The following MAP3K13 variants were observed in gnomAD, a reference collection of about 807,000 sequenced individuals.
The protein encoded by MAP3K13 is mitogen-activated protein kinase kinase kinase 13.
MAP3K13 carries 52 observed loss-of-function variants against 104.0 expected under a neutral mutation model. That is an observed-to-expected ratio of 0.50 (90% CI 0.40 to 0.63). The LOEUF (loss-of-function observed/expected upper bound fraction) is 0.63, where lower values mean the gene tolerates loss of function less well. MAP3K13 is among the 20% of genes least tolerant of loss of function. The pLI is 0.00. For synonymous variants in MAP3K13, 394 were observed against 442.2 expected (o/e 0.89, Z 1.37); for missense variants, 914 against 1,218.5 (o/e 0.75, Z 3.72).
At chr3:185,361,594 CG>C (rs1167968220), upstream of MAP3K13, among the ~76,000 whole-genome samples, 2 of 151,932 alleles carry the variant, frequency 1.3e-5, no homozygotes, top group Non-Finnish European at 2.9e-5. Context: ...TTAGTAGAGA[CG>C]GGGTTTCACC....
chr3:185,307,277 T>C (rs1335870858), intron 2 of MAP3K13, among the ~76,000 whole-genome samples: 2 of 152,032 alleles, frequency 1.3e-5, no homozygotes, highest in Admixed American at 1.3e-4. Context: ...CTCTCTGTCC[T>C]TTTCTCTCTC....
At position 185,487,348 on chromosome 3, in the gene MAP3K13, T is replaced by G. The variant is rs1718767785; in HGVS notation, c.*4892T>G. On this transcript the variant is annotated 3_prime_UTR_variant, in exon 14 of 14. Coordinates refer to ENST00000265026, the MANE Select transcript of MAP3K13 (RefSeq NM_004721.5). ...CACAACAATTTTTTTTTTTTTTTTG[T>G]AGAGATGGGCGTCTCCCTGTGTTGC... The G allele has an allele frequency of 6.7e-6, 1 of 149,776 alleles. No homozygotes were observed. The highest frequency in any genetic ancestry group is 2.5e-5 in the African/African-American group (1 of 40,134). 9.3% of individuals were successfully genotyped at this position (149,776 alleles called of 1,614,324 possible).
chr3:185,412,897 C>G (rs1026130704), intron 1 of MAP3K13, among the ~76,000 whole-genome samples: 4 of 152,196 alleles, frequency 2.6e-5, no homozygotes, highest in African/African-American at 9.6e-5. Flanking sequence ...ACCTTTTCCT[C>G]CATTAGCCCT....
At chr3:185,297,608 G>C (rs954378734) in intron 2 of MAP3K13, among the ~76,000 whole-genome samples, 5 of 152,058 alleles carry the variant, frequency 3.3e-5, no homozygotes, top group South Asian at 2.1e-4. Context: ...GGTGGCACAT[G>C]CCTGTAATCC....
chr3:185,411,390 C>G (rs193150204), intron 1 of MAP3K13, among the ~76,000 whole-genome samples: 1 of 152,304 alleles, frequency 6.6e-6, no homozygotes, highest in Admixed American at 6.5e-5. Context: ...ATTTTGCACA[C>G]AGTTCTAACA....
chr3:185,352,085 C>T (rs1054282824), intron 2 of MAP3K13, among the ~76,000 whole-genome samples: 1 of 152,112 alleles, frequency 6.6e-6, no homozygotes, highest in African/African-American at 2.4e-5. Flanking sequence ...CATGTGGTCA[C>T]GTGTACAGCC....
At chr3:185,445,605 T>C (rs924362677) in intron 4 of MAP3K13, among the ~76,000 whole-genome samples, 1 of 152,150 alleles carries the variant, frequency 6.6e-6, no homozygotes, top group Non-Finnish European at 1.5e-5. Flanking sequence ...AGAGTAGTAA[T>C]TGGGTTACCC....
chr3:185,365,818 C>T (rs774509621), intron 1 of MAP3K13, among the ~76,000 whole-genome samples: 1 of 135,016 alleles, frequency 7.4e-6, no homozygotes, highest in Admixed American at 8.3e-5. Flanking sequence ...ACCTGTGGAA[C>T]CTTTTTCCCT....
At chr3:185,360,658 A>G (rs1723566023), upstream of MAP3K13, among the ~76,000 whole-genome samples, 2 of 152,012 alleles carry the variant, frequency 1.3e-5, no homozygotes, top group African/African-American at 4.8e-5. Context: ...TTTATTTTCC[A>G]GGTTATATAT....
intron 2 of MAP3K13, chr3:185,293,164 C>T: frequency 1.9e-6 from 1 of 530,556 alleles, no homozygotes; most frequent in Non-Finnish European, 2.4e-6. Context: ...GTCACCCAGG[C>T]TGGAGTGTAG....
intron 1 of MAP3K13, among the ~76,000 whole-genome samples, chr3:185,404,085 T>C (rs1003506931): frequency 6.6e-6 from 1 of 152,254 alleles, no homozygotes; most frequent in Non-Finnish European, 1.5e-5. Context: ...TACCTGCCAC[T>C]ACCACTGCCA....
chr3:185,455,778 A>C (rs1716660573), intron 7 of MAP3K13, among the ~76,000 whole-genome samples: 1 of 122,414 alleles, frequency 8.2e-6, no homozygotes, highest in Non-Finnish European at 1.6e-5. Flanking sequence ...TATATGATAT[A>C]TATATGAGAT....
chr3:185,399,541 A>G (rs13096543), intron 1 of MAP3K13, among the ~76,000 whole-genome samples: 126,628 of 148,380 alleles, frequency 0.85, 54,780 homozygotes, highest in Non-Finnish European at 0.92. Flanking sequence ...CCAGGAGGCA[A>G]AGGTTGCAGT....
intron 1 of MAP3K13, among the ~76,000 whole-genome samples, chr3:185,419,020 C>CTTT (rs1209080029): frequency 7.0e-6 from 1 of 143,444 alleles, no homozygotes; most frequent in South Asian, 2.2e-4. Context: ...ATTTATAATT[C>CTTT]TTTTTTTTTT....
chr3:185,313,836 A>T (rs908721849), intron 2 of MAP3K13, among the ~76,000 whole-genome samples: 7 of 152,078 alleles, frequency 4.6e-5, no homozygotes, highest in African/African-American at 1.7e-4. Flanking sequence ...TACCTTCTCT[A>T]CTTGTCTCTC....
At chr3:185,301,420 T>C (rs1040815841) in intron 2 of MAP3K13, among the ~76,000 whole-genome samples, 4 of 152,170 alleles carry the variant, frequency 2.6e-5, no homozygotes, top group African/African-American at 9.7e-5. Context: ...TTTTCACTCT[T>C]AGATTATTTC....
intron 8 of MAP3K13, among the ~76,000 whole-genome samples, chr3:185,465,162 G>A (rs183157958): frequency 6.6e-6 from 1 of 152,130 alleles, no homozygotes; most frequent in African/African-American, 2.4e-5. Context: ...ATTTTTAGTA[G>A]AGACAGGGTT....
At chr3:185,341,001 A>G (rs1722700394) in intron 2 of MAP3K13, among the ~76,000 whole-genome samples, 2 of 151,382 alleles carry the variant, frequency 1.3e-5, no homozygotes. Flanking sequence ...CTTCATATTA[A>G]CTTAACTAAT....
chr3:185,429,832 C>T (rs1714642827), intron 2 of MAP3K13, among the ~76,000 whole-genome samples: 1 of 152,126 alleles, frequency 6.6e-6, no homozygotes, highest in Non-Finnish European at 1.5e-5. Context: ...AGAAAGCTTA[C>T]ATTTTGAGGA....
Sources: allele counts gnomAD v4.1 joint callset (sites outside exome capture counted in the v4.1 genomes callset), GRCh38; gene constraint gnomAD v4.1.1; transcripts MANE v1.5; gene names NCBI Gene and HGNC (gene_info 2026-07-23, HGNC 2026-07-21).